Variants in TNPO3 observed in about 807,000 individuals in gnomAD.
The protein encoded by TNPO3 is transportin-3.
A neutral mutation model predicts 122.8 loss-of-function variants in TNPO3; 65 were observed. The ratio of observed to expected loss-of-function variants is 0.53; its 90% CI spans 0.43 to 0.65. TNPO3 has a LOEUF of 0.65. Ranked by LOEUF, TNPO3 falls within the 30% of genes least tolerant of loss-of-function variation. TNPO3 has a pLI of 0.00. For missense variants in TNPO3, 850 were observed against 1,136.7 expected, an observed-to-expected ratio of 0.75 and a Z score of 3.63; for synonymous variants, 372 against 411.2, an observed-to-expected ratio of 0.90 and a Z score of 1.15.
At position 129,007,257 on chromosome 7, in the gene TNPO3, GACTTAA is replaced by G. The variant is rs140173419; in HGVS notation, c.553-2104_553-2099del. ...CACAGGTAGGAAACAGCATAGCCAG[GACTTAA>G]ACTTAAGAAGTCTGGCTTCAAAGTC... On this transcript the variant is annotated intron_variant, in intron 4 of 22. Transcript: ENST00000265388. 7.1e-3 allele frequency among the ~76,000 whole-genome samples: 1,077 copies of G among 152,224 alleles called. 19 individuals carry two copies. Among genetic ancestry groups the G allele is most frequent in the African/African-American group, 0.024 (1,013 of 41,532 alleles).
At chr7:128,967,926 AT>A (rs533895714) in intron 20 of TNPO3, among the ~76,000 whole-genome samples, 34 of 148,422 alleles carry the variant, frequency 2.3e-4, no homozygotes, top group African/African-American at 4.4e-4. Flanking sequence ...ATTAAAAACA[AT>A]TTTTTTTTTT....
At chr7:128,976,219 C>T (rs2129000455) in intron 16 of TNPO3, among the ~76,000 whole-genome samples, 1 of 152,222 alleles carries the variant, frequency 6.6e-6, no homozygotes, top group Middle Eastern at 3.4e-3. Flanking sequence ...TTTGCAAAAC[C>T]CCAGCACAGA....
In TNPO3 at chr7:129,014,320, C is replaced by T. The variant is rs142081211; in HGVS notation, c.552+659G>A. Among the ~76,000 whole-genome samples the T allele has an allele frequency of 1.7e-3, 263 of 152,158 alleles. 3 individuals are homozygous for T. The highest frequency in any genetic ancestry group is 5.7e-3 in the African/African-American group (237 of 41,510). ...GGTGGATCACTTGAGGTCAGGAGTTCGAGGCCAGCCTAGGCAACATGGAGA... is the reference window on the plus strand; with the variant it reads ...GGTGGATCACTTGAGGTCAGGAGTTTGAGGCCAGCCTAGGCAACATGGAGA... On this transcript the variant is annotated intron_variant, in intron 4 of 22. Coordinates refer to ENST00000265388, the MANE Select transcript of TNPO3 (RefSeq NM_012470.4).
chr7:129,045,493 C>G (rs1453137901), intron 1 of TNPO3, among the ~76,000 whole-genome samples: 1 of 145,424 alleles, frequency 6.9e-6, no homozygotes, highest in Non-Finnish European at 1.5e-5. Flanking sequence ...AAGACCCTGT[C>G]TCAGAAAAAA....
At chr7:129,022,775 A>G (rs1804675882) in intron 1 of TNPO3, among the ~76,000 whole-genome samples, 1 of 152,212 alleles carries the variant, frequency 6.6e-6, no homozygotes, top group African/African-American at 2.4e-5. Context: ...TTTTATGTCA[A>G]GTCAAACCGA....
At chr7:128,961,413 C>T (rs867858273) in intron 21 of TNPO3, among the ~76,000 whole-genome samples, 1 of 152,136 alleles carries the variant, frequency 6.6e-6, no homozygotes, top group Non-Finnish European at 1.5e-5. Flanking sequence ...GAGCAATAGG[C>T]TACACTATAT....
Position 129,055,067 on chromosome 7 carries a change from A to T in TNPO3, c.-297T>A. ...CTTCAGTCGCTGACTTGCCCTCAGA[A>T]GCCTATCTTGGGAGGCCACACACCA... On this transcript the variant is annotated 5_prime_UTR_variant, in exon 1 of 23. Coordinates refer to ENST00000265388, the MANE Select transcript of TNPO3 (RefSeq NM_012470.4). 1 of 387,092 alleles carries T rather than the reference A, an allele frequency of 2.6e-6. No homozygotes were observed. Among genetic ancestry groups the T allele is most frequent in the South Asian group, 2.5e-5 (1 of 39,836 alleles). The allele number at this position is 387,092 out of a possible 1,614,324, so 24.0% of individuals were successfully genotyped here.
chr7:128,975,215 C>T (rs1172139878), intron 17 of TNPO3, among the ~76,000 whole-genome samples: 1 of 152,176 alleles, frequency 6.6e-6, no homozygotes, highest in Admixed American at 6.5e-5. Flanking sequence ...GCTGATAAAA[C>T]TCAACAGATG....
rs1362237476 is a variant in TNPO3, at chr7:129,017,940, A to G, written c.321+17T>C. 8 of 1,613,048 alleles carry G rather than the reference A, an allele frequency of 5.0e-6. No homozygotes were observed. The South Asian group carries it at 6.6e-5, about 13-fold the overall frequency. ...AATGGCCATACAAATTTCTCTAATG[A>G]GAAGCACAGGATTTACCTGCGTTAC... On this transcript the variant is annotated intron_variant, in intron 2 of 22. Coordinates refer to ENST00000265388, the MANE Select transcript of TNPO3 (RefSeq NM_012470.4).
chr7:128,958,396 G>C (rs1370262873), intron 21 of TNPO3, among the ~76,000 whole-genome samples: 2 of 152,044 alleles, frequency 1.3e-5, no homozygotes, highest in Non-Finnish European at 2.9e-5. Flanking sequence ...GCCCGCCTCG[G>C]CCTCACAAAG....
chr7:128,964,367 G>A (rs1004842794), intron 21 of TNPO3, among the ~76,000 whole-genome samples: 22 of 121,066 alleles, frequency 1.8e-4, no homozygotes, highest in Admixed American at 2.2e-4. Context: ...ACGGAGCCTC[G>A]CTCTGTCGCC....
At chr7:129,038,693 G>A (rs1327827647) in intron 1 of TNPO3, among the ~76,000 whole-genome samples, 4 of 152,168 alleles carry the variant, frequency 2.6e-5, no homozygotes, top group Non-Finnish European at 5.9e-5. Context: ...AACATGGATG[G>A]CGCTGGAGGC....
intron 11 of TNPO3, among the ~76,000 whole-genome samples, chr7:128,988,754 C>T (rs1195860366): frequency 6.6e-6 from 1 of 151,986 alleles, no homozygotes; most frequent in Non-Finnish European, 1.5e-5. Flanking sequence ...AATCTAAGAA[C>T]TAAAAAACAG....
intron 1 of TNPO3, chr7:129,029,151 G>C (rs1313903075): frequency 9.9e-6 from 2 of 202,346 alleles, no homozygotes; most frequent in Non-Finnish European, 2.1e-5. Context: ...ATCGGGACAG[G>C]ATTTGACTGT....
At chr7:129,032,034 T>C (rs929713635) in intron 1 of TNPO3, among the ~76,000 whole-genome samples, 1 of 152,116 alleles carries the variant, frequency 6.6e-6, no homozygotes, top group African/African-American at 2.4e-5. Flanking sequence ...AAGTGGGATT[T>C]ATACCTGGAA....
chr7:129,003,346 G>T (rs1802213858), intron 5 of TNPO3, among the ~76,000 whole-genome samples: 1 of 133,030 alleles, frequency 7.5e-6, no homozygotes. Flanking sequence ...AGTTGTACCA[G>T]AAAGTCATGG....
intron 20 of TNPO3, among the ~76,000 whole-genome samples, chr7:128,969,326 A>G (rs181750159): frequency 6.6e-6 from 1 of 152,286 alleles, no homozygotes; most frequent in East Asian, 1.9e-4. Flanking sequence ...CTACTCTATC[A>G]GGTTGAAATG....
chr7:128,999,528 G>T (rs1305061125), intron 7 of TNPO3, among the ~76,000 whole-genome samples: 1 of 152,088 alleles, frequency 6.6e-6, no homozygotes, highest in Non-Finnish European at 1.5e-5. Context: ...GGCACAGTAA[G>T]AGGATCCCTA....
In TNPO3 at chr7:129,039,064, C is replaced by T. The variant is rs1807049499; in HGVS notation, c.120+15587G>A. On this transcript the variant is annotated intron_variant, in intron 1 of 22. Coordinates refer to ENST00000265388, the MANE Select transcript of TNPO3 (RefSeq NM_012470.4). ...AAAAAGCATACGAAAAGATGCTCAACATGATTAGCCATCAGGAAATGCAAA... is the reference window on the plus strand; with the variant it reads ...AAAAAGCATACGAAAAGATGCTCAATATGATTAGCCATCAGGAAATGCAAA... 2.0e-5 allele frequency among the ~76,000 whole-genome samples: 3 copies of T among 152,276 alleles called. No homozygotes were observed. The South Asian group carries it at 6.2e-4, about 32-fold the overall frequency.
Sources: gnomAD v4.1 joint callset for allele counts (sites outside exome capture counted in the v4.1 genomes callset) on GRCh38, gnomAD v4.1.1 for gene constraint, MANE v1.5 for transcripts, NCBI Gene and HGNC (gene_info 2026-07-23, HGNC 2026-07-21) for gene names.